NIBAN1: variants seen among roughly 807,000 people sequenced by gnomAD.
NIBAN1 encodes protein Niban 1.
NIBAN1 carries 81 observed loss-of-function variants against 75.1 expected under a neutral mutation model. The observed-to-expected ratio is 1.08, with a 90% confidence interval of 0.90 to 1.30. The LOEUF (loss-of-function observed/expected upper bound fraction) is 1.30, where lower values mean the gene tolerates loss of function less well. NIBAN1 is among the 50% of genes most tolerant of loss of function. The pLI is 0.00. For synonymous variants in NIBAN1, 436 were observed against 424.8 expected (o/e 1.03, Z -0.32); for missense variants, 1,133 against 1,128.1 (o/e 1.00, Z -0.06).
intron 8 of NIBAN1, 139 bp downstream of exon 8, chr1:184,823,028 G>C: frequency 1.0e-6 from 1 of 986,298 alleles, no homozygotes; most frequent in Non-Finnish European, 1.5e-6. Flanking sequence ...CCTCCAGCAT[G>C]TTCCTGTTGC....
intron 1 of NIBAN1, among the ~76,000 whole-genome samples, chr1:184,967,177 T>C (rs1658812474): frequency 1.3e-5 from 2 of 151,612 alleles, no homozygotes; most frequent in Admixed American, 1.3e-4. Flanking sequence ...TGGGGTTCTG[T>C]TAAATCTCTT....
chr1:184,840,446 A>T (rs16823606), intron 5 of NIBAN1, among the ~76,000 whole-genome samples: 11,953 of 152,170 alleles, frequency 0.079, 1,576 homozygotes, highest in African/African-American at 0.27. Context: ...AGTTGAAAGT[A>T]TAAAAATATA....
At chr1:184,837,044 C>G (rs1655162560) in intron 5 of NIBAN1, among the ~76,000 whole-genome samples, 6 of 152,154 alleles carry the variant, frequency 3.9e-5, no homozygotes, top group Admixed American at 3.9e-4. Flanking sequence ...AATATAAAAG[C>G]TTCATTTATT....
intron 2 of NIBAN1, among the ~76,000 whole-genome samples, chr1:184,896,725 T>C (rs903118777): frequency 6.6e-6 from 1 of 152,206 alleles, no homozygotes; most frequent in Non-Finnish European, 1.5e-5. Flanking sequence ...TTGTATATAA[T>C]GAGAGATAGG....
At chr1:184,931,731 C>T (rs1473931394) in intron 1 of NIBAN1, among the ~76,000 whole-genome samples, 1 of 152,168 alleles carries the variant, frequency 6.6e-6, no homozygotes, top group African/African-American at 2.4e-5. Flanking sequence ...CCAAGCCATA[C>T]AAGAAGGCAG....
intron 7 of NIBAN1, 102 bp downstream of exon 7, chr1:184,823,536 A>G: frequency 7.4e-7 from 1 of 1,351,502 alleles, no homozygotes; most frequent in East Asian, 2.3e-5. Flanking sequence ...TTCTACACCC[A>G]GGGAAGGGAA....
intron 1 of NIBAN1, among the ~76,000 whole-genome samples, chr1:184,906,248 A>T (rs1657098825): frequency 6.7e-6 from 1 of 148,200 alleles, no homozygotes; most frequent in South Asian, 2.2e-4. Context: ...ACAGAGCAAG[A>T]TCCTGTCTCA....
chr1:184,822,883 T>C (rs561024026), intron 8 of NIBAN1, among the ~76,000 whole-genome samples: 2 of 152,194 alleles, frequency 1.3e-5, no homozygotes, highest in East Asian at 3.9e-4. Flanking sequence ...TCTAATTCAG[T>C]GTCAAGGGTG....
At chr1:184,816,812 A>G (rs1004442092) in intron 9 of NIBAN1, among the ~76,000 whole-genome samples, 1 of 151,038 alleles carries the variant, frequency 6.6e-6, no homozygotes, top group Non-Finnish European at 1.5e-5. Flanking sequence ...ATCAATGACT[A>G]AGGTTTTGGT....
chr1:184,832,005 T>A, intron 5 of NIBAN1, 43 bp from the exon 6 acceptor site: 1 of 1,419,502 alleles, frequency 7.0e-7, no homozygotes, highest in Admixed American at 1.7e-5. Flanking sequence ...TAAAACACTC[T>A]AGATTTCCCC....
chr1:184,802,965 C>T (rs1654085783), intron 12 of NIBAN1, among the ~76,000 whole-genome samples: 1 of 152,096 alleles, frequency 6.6e-6, no homozygotes, highest in African/African-American at 2.4e-5. Context: ...ATAAATAATA[C>T]CTCCTCCCAG....
Position 184,796,555 on chromosome 1 carries a change from C to G in NIBAN1, c.1667-458G>C, listed in dbSNP as rs188355089. ...TACAGTCCTGAATGTGTAATAGGTA[C>G]TCGGTACTGCACATGCAGAGGAGAG... is the stretch of plus-strand genomic sequence containing the variant. On this transcript the variant is annotated intron_variant, in intron 13 of 13. Transcript: ENST00000367511. Among the ~76,000 whole-genome samples, 9 of 152,304 alleles carry G rather than the reference C, an allele frequency of 5.9e-5. No homozygotes were observed. The East Asian group carries it at 1.7e-3, about 29-fold the overall frequency.
chr1:184,797,143 T>G (rs1653895883), intron 13 of NIBAN1, among the ~76,000 whole-genome samples: 1 of 113,752 alleles, frequency 8.8e-6, no homozygotes, highest in Non-Finnish European at 1.7e-5. Flanking sequence ...CCAGCTTTTT[T>G]TTTTTTTTTT....
At chr1:184,948,962 T>C (rs1320306875) in intron 1 of NIBAN1, among the ~76,000 whole-genome samples, 2 of 152,210 alleles carry the variant, frequency 1.3e-5, no homozygotes, top group Non-Finnish European at 2.9e-5. Flanking sequence ...TCAGAATTGT[T>C]ACTTAAAATA....
chr1:184,911,428 A>T (rs1467742338), intron 1 of NIBAN1, among the ~76,000 whole-genome samples: 2 of 152,236 alleles, frequency 1.3e-5, no homozygotes, highest in Non-Finnish European at 2.9e-5. Flanking sequence ...GTCAGCAAAA[A>T]GGTATAGACC....
At chr1:184,965,429 G>C (rs770730354) in intron 1 of NIBAN1, among the ~76,000 whole-genome samples, 3 of 152,154 alleles carry the variant, frequency 2.0e-5, no homozygotes, top group Non-Finnish European at 4.4e-5. Flanking sequence ...CATTTAGGTT[G>C]ATTCCATATC....
intron 10 of NIBAN1, among the ~76,000 whole-genome samples, chr1:184,806,607 T>G (rs1006490998): frequency 2.0e-5 from 3 of 152,160 alleles, no homozygotes; most frequent in Non-Finnish European, 4.4e-5. Context: ...TCTGCTAAAC[T>G]GTTGCCCAAT....
Position 184,911,366 on chromosome 1 carries a change from A to G in NIBAN1, c.56-12057T>C, listed in dbSNP as rs547103266. Among the ~76,000 whole-genome samples, 143 of 152,350 alleles carry G rather than the reference A, an allele frequency of 9.4e-4. 1 individual carries two copies. Among genetic ancestry groups the G allele is most frequent in the African/African-American group, 3.3e-3 (139 of 41,586 alleles). ...TTTAAAACATTTCATTAAGTGATCT[A>G]AGAAAGACAGTAAAAGCATTTGGCT... is the stretch of plus-strand genomic sequence containing the variant. On this transcript the variant is annotated intron_variant, in intron 1 of 13. Coordinates refer to ENST00000367511, the MANE Select transcript of NIBAN1 (RefSeq NM_052966.4).
At chr1:184,854,876 T>A (rs1276228816) in intron 5 of NIBAN1, among the ~76,000 whole-genome samples, 2 of 152,170 alleles carry the variant, frequency 1.3e-5, no homozygotes, top group Non-Finnish European at 1.5e-5. Context: ...TTTGAAAGAA[T>A]TGGTCCAATG....
Sources: allele counts gnomAD v4.1 joint callset (sites outside exome capture counted in the v4.1 genomes callset), GRCh38; gene constraint gnomAD v4.1.1; transcripts MANE v1.5; gene names NCBI Gene and HGNC (gene_info 2026-07-23, HGNC 2026-07-21).